PLCD1: variants seen among roughly 807,000 people sequenced by gnomAD.
The protein encoded by PLCD1 is 1-phosphatidylinositol 4,5-bisphosphate phosphodiesterase delta-1.
Under a neutral mutation model 87.4 loss-of-function variants are expected in PLCD1, and 71 were observed. That is an observed-to-expected ratio of 0.81 (90% CI 0.67 to 0.99). The LOEUF is 0.99. Ranked by LOEUF, PLCD1 falls within the 50% of genes least tolerant of loss-of-function variation. The probability of loss-of-function intolerance (pLI) is 0.00; values close to 1 mark genes in which losing one functional copy is unlikely to be tolerated. For missense variants in PLCD1, 867 were observed against 1,001.5 expected (o/e 0.87, Z 1.81); for synonymous variants, 348 against 399.2 (o/e 0.87, Z 1.53).
At position 38,009,347 on chromosome 3, in the gene PLCD1, C is replaced by T. The variant is rs773925275; in HGVS notation, c.1531G>A (p.Gly511Ser). Residue 511 changes from glycine to serine, a missense_variant, in exon 10 of 15, where the codon GGC (glycine) becomes AGC (serine). Coordinates refer to ENST00000334661, the MANE Select transcript of PLCD1 (RefSeq NM_006225.4). ...TCGTAGAAGGCCTGTCCAGGGGTGC[C>T]AGGACTGGAGAAGCCCCCAAAGTGG... ...SVHFGGFSSP[G>S]TPGQAFYEMA... The T allele has an allele frequency of 1.2e-6, 2 of 1,614,180 alleles. No homozygotes were observed. The highest frequency in any genetic ancestry group is 1.7e-6 in the Non-Finnish European group (2 of 1,180,018).
Position 38,009,824 on chromosome 3 carries a change from G to A in PLCD1, c.1288-13C>T, listed in dbSNP as rs1700039638. ...TCCCCTTCAGTTGCTAGGTGGGGAG[G>A]GGCAACTGGTCAAGACACACCTAGC... On this transcript the variant is annotated splice_polypyrimidine_tract_variant and intron_variant, in intron 8 of 14. Transcript: ENST00000334661. 1 of 1,613,604 alleles carries A rather than the reference G, an allele frequency of 6.2e-7. No homozygotes were observed. Among genetic ancestry groups the A allele is most frequent in the Non-Finnish European group, 8.5e-7 (1 of 1,179,986 alleles).
chr3:38,024,668 G>C, intron 1 of PLCD1: 3 of 1,512,620 alleles, frequency 2.0e-6, no homozygotes, highest in Non-Finnish European at 2.6e-6. Context: ...TCAGACGCTA[G>C]GAGGCGGAGC....
At position 38,011,601 on chromosome 3, in the gene PLCD1, G is replaced by A. The variant is rs756004628; in HGVS notation, c.501C>T (p.Asn167=). 30 of 1,614,098 alleles carry A rather than the reference G, an allele frequency of 1.9e-5. No homozygotes were observed. In the South Asian group the frequency reaches 3.2e-4, roughly 17 times the overall value. Residue 167 remains asparagine (N), a synonymous_variant, in exon 4 of 15, where the codon AAC becomes AAT. Coordinates refer to ENST00000334661, the MANE Select transcript of PLCD1 (RefSeq NM_006225.4). ...DNKMSFKELQ[N]FLKELNIQVD... is the part of the protein sequence containing the mutation. ...CCTGGATGTTGAGCTCCTTCAGGAA[G>A]TTCTGCAGCTCCTTGAAGCTCATCT...
intron 1 of PLCD1, chr3:38,024,145 C>G: frequency 1.6e-6 from 1 of 608,520 alleles, no homozygotes; most frequent in Non-Finnish European, 3.0e-6. Context: ...ACTAATCACC[C>G]TAGTACTCAC....
intron 1 of PLCD1, chr3:38,024,583 G>C (rs1700283981): frequency 2.0e-6 from 3 of 1,509,398 alleles, no homozygotes; most frequent in Non-Finnish European, 2.7e-6. Flanking sequence ...GAATGGGAGG[G>C]AGGAGCTAGA....
In PLCD1 at chr3:38,007,837, A is replaced by T; in HGVS notation, c.2207T>A (p.Met736Lys). Residue 736 changes from methionine (M) to lysine (K), a missense_variant, in exon 15 of 15, where the codon ATG (methionine) becomes AAG (lysine). By Grantham distance (95) the Met-to-Lys change is moderately conservative. Coordinates refer to ENST00000334661, the MANE Select transcript of PLCD1 (RefSeq NM_006225.4). Reference protein sequence around the residue: ...LKQGYRHVHLMSKNGDQHPSA... With the variant: ...LKQGYRHVHLKSKNGDQHPSA... ...TGGATGCTGGTCCCCGTTCTTAGAC[A>T]TGAGGTGGACATGGCGGTATCCTGG... 6.2e-7 allele frequency: 1 copy of T among 1,614,172 alleles called. No individual in the cohort carries two copies. Among genetic ancestry groups the T allele is most frequent in the Non-Finnish European group, 8.5e-7 (1 of 1,179,990 alleles).
chr3:38,015,721 ATTTG>A (rs1378987149), intron 3 of PLCD1, among the ~76,000 whole-genome samples: 3 of 152,180 alleles, frequency 2.0e-5, no homozygotes, highest in Admixed American at 6.6e-5. Context: ...GTTGAAGTTA[ATTTG>A]TTTTGAGCTC....
chr3:38,013,596 T>C (rs1279722565), intron 3 of PLCD1, among the ~76,000 whole-genome samples: 1 of 152,248 alleles, frequency 6.6e-6, no homozygotes, highest in Admixed American at 6.5e-5. Context: ...TAACATTATA[T>C]CATAATTATT....
In PLCD1 at chr3:38,010,166, C is replaced by A; in HGVS notation, c.1102G>T (p.Asp368Tyr). The stretch of plus-strand genomic sequence containing the variant: ...TAGTCCCGGATGGCCCTGAGCACAT[C>A]GCAGAAGAGGATCTTGGAAGTGAAA... The part of the protein sequence containing the change: ...YTFTSKILFC[D>Y]VLRAIRDYAF... The change falls in exon 7 of 15, where the codon GAT becomes TAT. Residue 368 changes from aspartate (D) to tyrosine (Y), a missense_variant. Coordinates refer to ENST00000334661, the MANE Select transcript of PLCD1 (RefSeq NM_006225.4). 1 of 1,614,250 alleles carries A rather than the reference C, an allele frequency of 6.2e-7. No individual in the cohort carries two copies. The highest frequency in any genetic ancestry group is 1.1e-5 in the South Asian group (1 of 91,088).
rs1699978009 is a variant in PLCD1 at position 38,007,571 on chromosome 3, C to T, written c.*202G>A. 1.0e-5 allele frequency: 7 copies of T among 698,536 alleles called. No homozygotes were observed. Among genetic ancestry groups the T allele is most frequent in the Non-Finnish European group, 1.6e-5 (6 of 383,336 alleles). 43.3% of individuals were successfully genotyped at this position (698,536 alleles called of 1,614,324 possible). On this transcript the variant is annotated 3_prime_UTR_variant, in exon 15 of 15. Transcript: ENST00000334661. ...GGGTGGAGAGGGCTGCAGTGTTATT[C>T]CTAACGGAATGAAGGACAGCTCCAG...
intron 6 of PLCD1, 24 bp downstream of exon 6, chr3:38,010,337 G>A (rs762378115): frequency 1.7e-5 from 28 of 1,613,952 alleles, no homozygotes; most frequent in South Asian, 5.5e-5. Context: ...CCAGACTCCC[G>A]ACCCAAGGCT....
Position 38,009,830 on chromosome 3 carries a change from C to T in PLCD1, c.1288-19G>A. On this transcript the variant is annotated intron_variant, in intron 8 of 14. Transcript: ENST00000334661. ...TCAGTTGCTAGGTGGGGAGGGGCAACTGGTCAAGACACACCTAGCGCCCCG... is the reference window on the plus strand; with the variant it reads ...TCAGTTGCTAGGTGGGGAGGGGCAATTGGTCAAGACACACCTAGCGCCCCG... 6.2e-7 allele frequency: 1 copy of T among 1,613,688 alleles called. No individual in the cohort carries two copies. The highest frequency in any genetic ancestry group is 8.5e-7 in the Non-Finnish European group (1 of 1,179,964).
chr3:38,016,912 A>G (rs1700165450), intron 2 of PLCD1, among the ~76,000 whole-genome samples, 193 bp from the exon 3 acceptor site: 1 of 152,154 alleles, frequency 6.6e-6, no homozygotes, highest in Non-Finnish European at 1.5e-5. Context: ...AAAAGGAGAA[A>G]GGAAGACAGA....
At position 38,020,325 on chromosome 3, in the gene PLCD1, G is replaced by A. The variant is rs367628808; in HGVS notation, c.62C>T (p.Ala21Val). The part of the protein sequence containing the change: ...HGLQDDEDLQ[A>V]LLKGSQLLKV... ...CAGGAGCTGGCTGCCCTTCAGCAGC[G>A]CCTGTAGATCCTCATCATCCTGTAG... Residue 21 changes from alanine to valine, a missense_variant, in exon 2 of 15, where the codon GCG becomes GTG. Physicochemically the swap from Ala to Val is moderately conservative, Grantham distance 64. Coordinates refer to ENST00000334661, the MANE Select transcript of PLCD1 (RefSeq NM_006225.4). 5.5e-5 allele frequency: 89 copies of A among 1,613,864 alleles called. No homozygotes were observed. Among genetic ancestry groups the A allele is most frequent in the Middle Eastern group, 1.6e-4 (1 of 6,084 alleles).
chr3:38,015,218 A>G (rs914140112), intron 3 of PLCD1, among the ~76,000 whole-genome samples: 2 of 152,136 alleles, frequency 1.3e-5, no homozygotes, highest in Non-Finnish European at 2.9e-5. Context: ...GAAGAGATAC[A>G]TGTGGTCTAT....
intron 1 of PLCD1, among the ~76,000 whole-genome samples, chr3:38,022,610 C>T (rs982016011): frequency 6.6e-6 from 1 of 152,168 alleles, no homozygotes; most frequent in African/African-American, 2.4e-5. Context: ...GGCTGTGGCC[C>T]TATCTACAGT....
intron 1 of PLCD1, chr3:38,024,889 C>A: frequency 3.0e-6 from 1 of 328,364 alleles, no homozygotes; most frequent in Non-Finnish European, 5.3e-6. Context: ...GGTGTCGAGG[C>A]GTGGGTGGGG....
chr3:38,023,494 C>G (rs1211037721), intron 1 of PLCD1, among the ~76,000 whole-genome samples: 1 of 152,198 alleles, frequency 6.6e-6, no homozygotes, highest in African/African-American at 2.4e-5. Flanking sequence ...GAGGAAGGCA[C>G]TGTCATTATT....
chr3:38,029,249 T>A lies in PLCD1; in HGVS notation c.34+257A>T, dbSNP rs722501. Among the ~76,000 whole-genome samples, 99,321 of 151,632 alleles carry A rather than the reference T, an allele frequency of 0.66. 32,757 individuals carry two copies. Among genetic ancestry groups the A allele is most frequent in the South Asian group, 0.78 (3,756 of 4,820 alleles). Reference sequence around the variant, plus strand: ...GGTCCGCGAGGCGGAGGGAAGTCTTTAGACCCGTACCGCCCGCCCACCCAC... The same window carrying A: ...GGTCCGCGAGGCGGAGGGAAGTCTTAAGACCCGTACCGCCCGCCCACCCAC... On this transcript the variant is annotated intron_variant, in intron 1 of 14. Transcript: ENST00000334661.
Sources: gnomAD v4.1 joint callset for allele counts (sites outside exome capture counted in the v4.1 genomes callset) on GRCh38, gnomAD v4.1.1 for gene constraint, MANE v1.5 for transcripts, NCBI Gene and HGNC (gene_info 2026-07-23, HGNC 2026-07-21) for gene names.